BRDT: variants seen among roughly 807,000 people sequenced by gnomAD.
BRDT encodes the protein bromodomain testis associated, also known as bromodomain testis-specific protein.
Under a neutral mutation model 113.9 loss-of-function variants are expected in BRDT, and 77 were observed. The ratio of observed to expected loss-of-function variants is 0.68; its 90% CI spans 0.56 to 0.82. The LOEUF is 0.82. Among genes scored for constraint, BRDT ranks in the 40% least tolerant of loss-of-function variants. The probability of loss-of-function intolerance (pLI) is 0.00; values close to 1 mark genes in which losing one functional copy is unlikely to be tolerated. For missense variants in BRDT, 1,027 were observed against 1,105.4 expected (o/e 0.93, Z 1.01); for synonymous variants, 358 against 366.5 (o/e 0.98, Z 0.26).
intron 4 of BRDT, 87 bp from the exon 5 acceptor site, chr1:91,976,179 G>A (rs1019968733): frequency 1.5e-6 from 2 of 1,325,168 alleles, no homozygotes; most frequent in Non-Finnish European, 2.0e-6. Flanking sequence ...CTAAAAAGCT[G>A]AACTAAATGA....
chr1:92,001,173 T>C (rs939074773), intron 15 of BRDT, among the ~76,000 whole-genome samples: 7 of 152,176 alleles, frequency 4.6e-5, no homozygotes, highest in Non-Finnish European at 8.8e-5. Context: ...GATGGTGAGA[T>C]AGAATTACCA....
chr1:91,971,217 C>A (rs1419208099), intron 4 of BRDT, among the ~76,000 whole-genome samples: 1 of 152,020 alleles, frequency 6.6e-6, no homozygotes, highest in Non-Finnish European at 1.5e-5. Context: ...AGGGATCCAC[C>A]CCTCATGACC....
rs1016296961 is a variant in BRDT, at chr1:91,949,653, A to C, written c.-67A>C. 1 of 152,236 alleles carries C rather than the reference A, an allele frequency of 6.6e-6. No individual in the cohort carries two copies. The highest frequency in any genetic ancestry group is 1.9e-4 in the East Asian group (1 of 5,194). 9.4% of individuals were successfully genotyped at this position (152,236 alleles called of 1,614,324 possible). On this transcript the variant is annotated 5_prime_UTR_variant, in exon 1 of 19. Coordinates refer to ENST00000399546, the MANE Select transcript of BRDT (RefSeq NM_207189.4). ...CGTGCGACAGTCCGGGCAGTTGAGA[A>C]GGCCACCCCGCTTCGTGCCTGCAGC...
chr1:92,002,040 T>C lies in BRDT; in HGVS notation c.2288-9T>C. 1.3e-6 allele frequency: 2 copies of C among 1,580,412 alleles called. No individual in the cohort carries two copies. The highest frequency in any genetic ancestry group is 1.7e-6 in the Non-Finnish European group (2 of 1,153,162). On this transcript the variant is annotated splice_polypyrimidine_tract_variant and intron_variant, in intron 15 of 18. Transcript: ENST00000399546. Reference sequence around the variant, plus strand: ...TTAATTATACTATTCTAAAAATGTGTGCATCCAGGTGATTCTGAACAGCTC... The same window carrying C: ...TTAATTATACTATTCTAAAAATGTGCGCATCCAGGTGATTCTGAACAGCTC...
chr1:91,951,184 C>G (rs566620166), intron 1 of BRDT, among the ~76,000 whole-genome samples: 31 of 152,218 alleles, frequency 2.0e-4, no homozygotes, highest in Non-Finnish European at 4.1e-4. Flanking sequence ...TGTCGCTGAC[C>G]GTGTTGGGAA....
intron 4 of BRDT, among the ~76,000 whole-genome samples, chr1:91,970,380 C>G (rs1683507303): frequency 6.6e-6 from 1 of 152,154 alleles, no homozygotes. Context: ...GGTCCTCCCA[C>G]TTTAGCCTCC....
intron 4 of BRDT, among the ~76,000 whole-genome samples, chr1:91,974,832 CAT>C (rs571384891): frequency 0.017 from 2,569 of 152,228 alleles, 35 homozygotes; most frequent in Non-Finnish European, 0.024. Context: ...CACATGCACA[CAT>C]ATGTTTATTG....
chr1:91,976,265 G>A lies in BRDT; in HGVS notation c.446-1G>A, dbSNP rs201073117. ...TTTGATTCTGGCTCATACTTTTCCA[G>A]GCACTCAACAGAATATAGCTGTTTC... On this transcript the variant is annotated splice_acceptor_variant, in intron 4 of 18. Transcript: ENST00000399546. LOFTEE classifies it high-confidence loss of function. The A allele has an allele frequency of 1.0e-5, 16 of 1,579,800 alleles. No individual in the cohort carries two copies. In the Admixed American group the frequency reaches 2.7e-4, roughly 26 times the overall value.
chr1:92,004,716 GT>G (rs1687149683), intron 17 of BRDT, 97 bp downstream of exon 17: 1 of 1,119,916 alleles, frequency 8.9e-7, no homozygotes, highest in Non-Finnish European at 1.2e-6. Flanking sequence ...TGATTCAACT[GT>G]TTAGTAGAAC....
At chr1:91,954,892 TC>T (rs1416437516) in intron 1 of BRDT, among the ~76,000 whole-genome samples, 1 of 151,876 alleles carries the variant, frequency 6.6e-6, no homozygotes, top group East Asian at 1.9e-4. Flanking sequence ...GAGCCCGAGA[TC>T]GAGGCTTCAG....
At chr1:92,002,297 A>G (rs374185649) in intron 16 of BRDT, 148 bp downstream of exon 16, 5 of 599,216 alleles carry the variant, frequency 8.3e-6, no homozygotes, top group South Asian at 2.4e-5. Context: ...TTGAAAAAGT[A>G]CTTCTGAGCA....
At chr1:92,007,999 C>A (rs1687481406) in intron 18 of BRDT, among the ~76,000 whole-genome samples, 1 of 152,116 alleles carries the variant, frequency 6.6e-6, no homozygotes, top group African/African-American at 2.4e-5. Flanking sequence ...CTCACTGCAA[C>A]CTCCACCTCC....
intron 15 of BRDT, among the ~76,000 whole-genome samples, chr1:91,998,767 G>GA (rs899595319): frequency 1.3e-4 from 20 of 151,832 alleles, no homozygotes; most frequent in Admixed American, 1.1e-3. Context: ...GGATAGTGCA[G>GA]AAAAAAAATA....
Position 92,002,159 on chromosome 1 carries a change from A to ATT in BRDT, c.2388+19_2388+20dup. Reference sequence around the variant, plus strand: ...AGCTCCTGTACAGAAGGTAAAAGTAATTTTTTTTTTCTAACAAATCTTGAA... The same window carrying ATT: ...AGCTCCTGTACAGAAGGTAAAAGTAATTTTTTTTTTTTCTAACAAATCTTGAA... On this transcript the variant is annotated intron_variant, in intron 16 of 18. Transcript: ENST00000399546. 1 of 1,526,910 alleles carries ATT rather than the reference A, an allele frequency of 6.5e-7. No individual in the cohort carries two copies. The highest frequency in any genetic ancestry group is 9.0e-7 in the Non-Finnish European group (1 of 1,113,756). 94.6% of individuals were successfully genotyped at this position (1,526,910 alleles called of 1,614,324 possible). A position where few individuals can be genotyped will look rare whatever the true frequency, so the allele number is the denominator to read the frequency against.
chr1:91,959,810 C>T (rs1682233522), intron 1 of BRDT, among the ~76,000 whole-genome samples: 1 of 152,100 alleles, frequency 6.6e-6, no homozygotes, highest in Non-Finnish European at 1.5e-5. Context: ...GCTATATTTC[C>T]ATATATGTGT....
chr1:91,981,394 T>TTTTG lies in BRDT; in HGVS notation c.1864+23_1864+26dup, dbSNP rs769045596. On this transcript the variant is annotated intron_variant, in intron 11 of 18. Transcript: ENST00000399546. ...CGTCAAACAAAATGTAGGTGGCAGT[T>TTTTG]TTTGTTTGTTTGTATGTATGTATGT... The TTTTG allele has an allele frequency of 3.3e-6, 5 of 1,507,830 alleles. No individual in the cohort carries two copies. In the South Asian group the frequency reaches 3.4e-5, roughly 10 times the overall value. The allele number at this position is 1,507,830 out of a possible 1,614,324, so 93.4% of individuals were successfully genotyped here. A position where few individuals can be genotyped will look rare whatever the true frequency, so the allele number is the denominator to read the frequency against.
intron 3 of BRDT, among the ~76,000 whole-genome samples, chr1:91,967,139 T>C (rs1557814814): frequency 6.6e-6 from 1 of 152,228 alleles, no homozygotes; most frequent in Non-Finnish European, 1.5e-5. Flanking sequence ...TGTTATTTTA[T>C]TAATTAGTTA....
At chr1:91,976,144 A>T in intron 4 of BRDT, 122 bp from the exon 5 acceptor site, 1 of 951,706 alleles carries the variant, frequency 1.1e-6, no homozygotes, top group Non-Finnish European at 1.4e-6. Context: ...TTTCAAAATG[A>T]AATAAGTATC....
chr1:91,980,087 C>G (rs186508851), intron 8 of BRDT, among the ~76,000 whole-genome samples: 66 of 152,238 alleles, frequency 4.3e-4, no homozygotes, highest in African/African-American at 1.5e-3. Context: ...TGTTCTGGAG[C>G]TCAAGTCTGA....
Sources: allele counts gnomAD v4.1 joint callset (sites outside exome capture counted in the v4.1 genomes callset), GRCh38; gene constraint gnomAD v4.1.1; transcripts MANE v1.5; gene names NCBI Gene and HGNC (gene_info 2026-07-23, HGNC 2026-07-21).